The following PPP1R9A variants were observed in gnomAD, a reference collection of about 807,000 sequenced individuals.
PPP1R9A encodes neurabin-1.
PPP1R9A carries 59 observed loss-of-function variants against 141.9 expected under a neutral mutation model. The observed-to-expected ratio is 0.42, with a 90% CI of 0.34 to 0.52. PPP1R9A has a LOEUF of 0.52. PPP1R9A is among the 20% of genes least tolerant of loss of function. The pLI is 0.10. For missense variants in PPP1R9A, 1,444 were observed against 1,611.9 expected, an observed-to-expected ratio of 0.90 and a Z score of 1.78; for synonymous variants, 500 against 569.7, an observed-to-expected ratio of 0.88 and a Z score of 1.74.
In PPP1R9A at chr7:95,288,708, ATAAACT is replaced by A. The variant is rs763812754; in HGVS notation, c.3906_3911del (p.Leu1303_Lys1304del). On this transcript the variant is annotated inframe_deletion, in exon 19 of 20. Coordinates refer to ENST00000433360, the MANE Select transcript of PPP1R9A (RefSeq NM_001166160.2). Reference sequence around the variant, plus strand: ...GAACAGCTCCTGCAGTTGGATGGAAATAAACTTAAGGTAAAGAATTATATGTCTGTC... The same window carrying A: ...GAACAGCTCCTGCAGTTGGATGGAAATAAGGTAAAGAATTATATGTCTGTC... 1.2e-6 allele frequency: 2 copies of A among 1,613,872 alleles called. No individual in the cohort carries two copies. The highest frequency in any genetic ancestry group is 1.3e-5 in the African/African-American group (1 of 75,044).
chr7:95,002,849 T>C (rs1289328350), intron 2 of PPP1R9A, among the ~76,000 whole-genome samples: 2 of 152,156 alleles, frequency 1.3e-5, no homozygotes, highest in Non-Finnish European at 2.9e-5. Flanking sequence ...TTACTCTGTA[T>C]TTACATTCTA....
At chr7:95,263,415 G>T in intron 12 of PPP1R9A, among the ~76,000 whole-genome samples, 1 of 108,298 alleles carries the variant, frequency 9.2e-6, no homozygotes, top group African/African-American at 3.3e-5. Context: ...TTTCCAGTTT[G>T]TTGTTGTTGT....
intron 2 of PPP1R9A, among the ~76,000 whole-genome samples, chr7:95,077,536 T>C (rs1815045029): frequency 6.6e-6 from 1 of 152,144 alleles, no homozygotes. Flanking sequence ...TAGTATAATA[T>C]GAGGGAACTG....
chr7:94,956,002 T>A (rs1157926747), intron 2 of PPP1R9A, among the ~76,000 whole-genome samples: 3 of 152,172 alleles, frequency 2.0e-5, no homozygotes, highest in African/African-American at 7.2e-5. Flanking sequence ...CCTGCCAGCC[T>A]GTACCTGTGA....
intron 4 of PPP1R9A, among the ~76,000 whole-genome samples, chr7:95,135,229 A>G (rs984044655): frequency 2.0e-5 from 3 of 152,194 alleles, no homozygotes; most frequent in Non-Finnish European, 4.4e-5. Context: ...TGTGTATGGT[A>G]TCCTTAAACA....
intron 2 of PPP1R9A, among the ~76,000 whole-genome samples, chr7:94,960,754 T>A (rs1797547713): frequency 6.6e-6 from 1 of 151,668 alleles, no homozygotes; most frequent in Non-Finnish European, 1.5e-5. Flanking sequence ...AATCTAGATG[T>A]GTTTATTTTT....
chr7:95,259,458 G>T (rs1034383894), intron 12 of PPP1R9A, among the ~76,000 whole-genome samples: 61 of 152,170 alleles, frequency 4.0e-4, no homozygotes, highest in African/African-American at 1.3e-3. Flanking sequence ...AATAAAAAAG[G>T]ATAGCATCAG....
At chr7:95,124,071 G>A (rs941775067) in intron 4 of PPP1R9A, among the ~76,000 whole-genome samples, 4 of 152,130 alleles carry the variant, frequency 2.6e-5, no homozygotes, top group Non-Finnish European at 5.9e-5. Flanking sequence ...GCATATGTGT[G>A]TGGGTGTCAG....
At chr7:95,036,264 A>G (rs1808411769) in intron 2 of PPP1R9A, 1 of 152,240 alleles carries the variant, frequency 6.6e-6, no homozygotes, top group Non-Finnish European at 1.5e-5. Flanking sequence ...GATTTTCATG[A>G]AACTTTAGTA....
At chr7:95,011,641 A>C (rs1371605166) in intron 2 of PPP1R9A, among the ~76,000 whole-genome samples, 2 of 152,216 alleles carry the variant, frequency 1.3e-5, no homozygotes, top group Admixed American at 1.3e-4. Flanking sequence ...TACTGGAGAG[A>C]ACAACTTTCA....
rs944959397 is a variant in PPP1R9A, at chr7:95,210,794, A to G, written c.1956+7064A>G. ...TGGATAAAGAAAATGTGGCACATAT[A>G]CACCATGCAGTACTATGCAGTCATA... On this transcript the variant is annotated intron_variant, in intron 7 of 19. Transcript: ENST00000433360. 2.6e-5 allele frequency among the ~76,000 whole-genome samples: 4 copies of G among 152,336 alleles called. No individual in the cohort carries two copies. In the South Asian group the frequency reaches 8.3e-4, roughly 32 times the overall value.
At chr7:95,028,558 G>C (rs1248093625) in intron 2 of PPP1R9A, among the ~76,000 whole-genome samples, 1 of 152,166 alleles carries the variant, frequency 6.6e-6, no homozygotes, top group Admixed American at 6.5e-5. Flanking sequence ...TCGTGTGATG[G>C]AATAAATATT....
At chr7:94,972,990 T>C (rs540947199) in intron 2 of PPP1R9A, among the ~76,000 whole-genome samples, 11 of 152,310 alleles carry the variant, frequency 7.2e-5, no homozygotes, top group African/African-American at 2.2e-4. Context: ...TTCTTAATGG[T>C]AAGGAAATAA....
chr7:95,152,838 CT>C (rs5885900), intron 4 of PPP1R9A, among the ~76,000 whole-genome samples: 24,338 of 125,058 alleles, frequency 0.19, 2,490 homozygotes, highest in African/African-American at 0.39. Context: ...CAGCCACACC[CT>C]TTTTTTTTTT....
rs1391825182 is a variant in PPP1R9A at position 95,074,456 on chromosome 7, C to CTTT, written c.1396-36797_1396-36795dup. Among the ~76,000 whole-genome samples the CTTT allele has an allele frequency of 3.0e-5, 4 of 135,394 alleles. No individual in the cohort carries two copies. The East Asian group carries it at 8.0e-4, about 27-fold the overall frequency. 88.8% of individuals were successfully genotyped at this position (135,394 alleles called of 152,430 possible). ...AATTCCTGTGTCAAAGACTACATTG[C>CTTT]TTTTTTTTGTTTTTTTTTTTTTTGT... On this transcript the variant is annotated intron_variant, in intron 2 of 19. Transcript: ENST00000433360.
At chr7:95,008,335 C>T (rs1803914080) in intron 2 of PPP1R9A, among the ~76,000 whole-genome samples, 1 of 151,972 alleles carries the variant, frequency 6.6e-6, no homozygotes, top group Non-Finnish European at 1.5e-5. Flanking sequence ...AATCGGCATA[C>T]AGATATATAT....
At position 95,092,863 on chromosome 7, in the gene PPP1R9A, G is replaced by C. The variant is rs530321722; in HGVS notation, c.1396-18396G>C. Among the ~76,000 whole-genome samples, 27 of 152,298 alleles carry C rather than the reference G, an allele frequency of 1.8e-4. 1 individual carries two copies. Among genetic ancestry groups the C allele is most frequent in the Admixed American group, 6.5e-4 (10 of 15,292 alleles). On this transcript the variant is annotated intron_variant, in intron 2 of 19. Transcript: ENST00000433360. ...AAATTGAGACCTATAATTTGGAAGA[G>C]GTTTTGGTTTCTTCCAAAGTGAGAG...
In PPP1R9A at chr7:95,252,175, A is replaced by T. The variant is rs530320724; in HGVS notation, c.2665+45A>T. 214 of 1,489,206 alleles carry T rather than the reference A, an allele frequency of 1.4e-4. 2 individuals are homozygous for T. The South Asian group carries it at 3.0e-3, about 21-fold the overall frequency. 92.2% of individuals were successfully genotyped at this position (1,489,206 alleles called of 1,614,324 possible). A position where few individuals can be genotyped will look rare whatever the true frequency, so the allele number is the denominator to read the frequency against. On this transcript the variant is annotated intron_variant, in intron 12 of 19. Transcript: ENST00000433360. ...AAAAATCATTTTTGATGACTGTGTA[A>T]TTTGGCCTTTTATTTTTCTTTTTCT... is the stretch of plus-strand genomic sequence containing the variant.
At chr7:95,072,774 AATAT>A (rs1392243696) in intron 2 of PPP1R9A, among the ~76,000 whole-genome samples, 1 of 104,798 alleles carries the variant, frequency 9.5e-6, no homozygotes, top group African/African-American at 4.0e-5. Context: ...ATATATATTA[AATAT>A]ATATATTTAT....
Sources: allele counts gnomAD v4.1 joint callset (sites outside exome capture counted in the v4.1 genomes callset), GRCh38; gene constraint gnomAD v4.1.1; transcripts MANE v1.5; gene names NCBI Gene and HGNC (gene_info 2026-07-23, HGNC 2026-07-21).